CFAP74: variants seen among roughly 807,000 people sequenced by gnomAD.
The protein encoded by CFAP74 is cilia- and flagella-associated protein 74.
A neutral mutation model predicts 188.9 loss-of-function variants in CFAP74; 124 were observed. That is an observed-to-expected ratio of 0.66 (90% CI 0.57 to 0.76). The LOEUF is 0.76. CFAP74 is among the 30% of genes least tolerant of loss of function. The pLI, the probability that CFAP74 is intolerant of heterozygous loss-of-function variation, is 0.00. For missense variants in CFAP74, 2,198 were observed against 2,165.2 expected (o/e 1.02, Z -0.30); for synonymous variants, 956 against 916.7 (o/e 1.04, Z -0.77).
chr1:1,993,844 T>C (rs542683960), intron 1 of CFAP74, among the ~76,000 whole-genome samples: 36 of 150,240 alleles, frequency 2.4e-4, no homozygotes, highest in South Asian at 8.5e-4. Context: ...TAGCCGGGCG[T>C]GGTGGCGGGC....
intron 6 of CFAP74, among the ~76,000 whole-genome samples, chr1:1,977,394 C>T (rs1048317841): frequency 6.6e-6 from 1 of 152,130 alleles, no homozygotes; most frequent in Admixed American, 6.6e-5. Context: ...AGGGAAGCAG[C>T]CTTCCCCTCC....
chr1:1,936,554 CAAAAAAAGA>C (rs963468059), intron 25 of CFAP74, among the ~76,000 whole-genome samples: 9 of 150,034 alleles, frequency 6.0e-5, no homozygotes, highest in Non-Finnish European at 1.2e-4. Flanking sequence ...AGAAAAATAA[CAAAAAAAGA>C]AAAAAAAGAA....
intron 6 of CFAP74, among the ~76,000 whole-genome samples, chr1:1,976,129 G>A (rs1558049441): frequency 6.6e-6 from 1 of 152,132 alleles, no homozygotes; most frequent in Admixed American, 6.5e-5. Flanking sequence ...GGCACTAATC[G>A]CCCCCACGAG....
In CFAP74 at chr1:1,968,873, C is replaced by T. The variant is rs1655674209; in HGVS notation, c.1047-40G>A. 1.3e-6 allele frequency: 2 copies of T among 1,595,378 alleles called. No homozygotes were observed. Among genetic ancestry groups the T allele is most frequent in the Non-Finnish European group, 1.7e-6 (2 of 1,166,812 alleles). ...TTCTCAGATGAGTGCAAGAGGTCCCCTGCCTCCACCTTGCCCCAGATGAGA... is the reference window on the plus strand; with the variant it reads ...TTCTCAGATGAGTGCAAGAGGTCCCTTGCCTCCACCTTGCCCCAGATGAGA... On this transcript the variant is annotated intron_variant, in intron 10 of 38. Transcript: ENST00000682832. The surrounding 1 kb of genome is among the most constrained non-coding windows in gnomAD (Gnocchi z 4.3).
At chr1:1,966,312 A>G (rs996627737) in intron 12 of CFAP74, 59 bp downstream of exon 12, 2 of 1,406,554 alleles carry the variant, frequency 1.4e-6, no homozygotes, top group Non-Finnish European at 1.9e-6. Context: ...GGAGGTGGCG[A>G]GCCGGCGACA....
rs28401378 is a variant in CFAP74 at position 1,973,692 on chromosome 1, T to G, written c.674+333A>C. Among the ~76,000 whole-genome samples the G allele has an allele frequency of 6.6e-6, 1 of 150,984 alleles. No homozygotes were observed. Among genetic ancestry groups the G allele is most frequent in the Admixed American group, 6.6e-5 (1 of 15,172 alleles). On this transcript the variant is annotated intron_variant, in intron 7 of 38. Transcript: ENST00000682832. This position sits in a 1 kb window ranked among gnomAD's most constrained non-coding sequence, Gnocchi z 6.2. ...AGAGGTGGGGATGGAGCCCAGAGAA[T>G]GGCCTGGCTGGGAAGAGGAAGGGGC... is the stretch of plus-strand genomic sequence containing the variant.
intron 6 of CFAP74, among the ~76,000 whole-genome samples, chr1:1,977,408 G>T (rs569133704): frequency 6.6e-6 from 1 of 152,088 alleles, no homozygotes; most frequent in Non-Finnish European, 1.5e-5. Context: ...CCCCTCCCTC[G>T]AAGGCAGGCT....
chr1:1,932,368 G>T (rs868192235), intron 25 of CFAP74, among the ~76,000 whole-genome samples: 1 of 149,842 alleles, frequency 6.7e-6, no homozygotes, highest in Non-Finnish European at 1.5e-5. Flanking sequence ...CCGCACTCCA[G>T]CCTGGGTGAT....
Position 1,943,535 on chromosome 1 carries a change from G to A in CFAP74, c.2486+796C>T, listed in dbSNP as rs181748515. 4.0e-3 allele frequency among the ~76,000 whole-genome samples: 613 copies of A among 152,354 alleles called. 6 individuals are homozygous for A. The highest frequency in any genetic ancestry group is 0.014 in the African/African-American group (585 of 41,586). On this transcript the variant is annotated intron_variant, in intron 21 of 38. Coordinates refer to ENST00000682832, the MANE Select transcript of CFAP74 (RefSeq NM_001304360.2). ...ACAGGGGCTCCGTCATGGAAACCCC[G>A]CAGGCCCAGCCTCGCCGTCCCTCTG...
At chr1:1,922,768 C>T in intron 37 of CFAP74, 45 bp from the exon 38 acceptor site, 1 of 1,585,148 alleles carries the variant, frequency 6.3e-7, no homozygotes, top group South Asian at 1.1e-5. Flanking sequence ...AGGCACCGCT[C>T]CCAGAAGCAG....
At chr1:1,980,058 A>C (rs1345215106) in intron 6 of CFAP74, among the ~76,000 whole-genome samples, 1 of 148,704 alleles carries the variant, frequency 6.7e-6, no homozygotes, top group Non-Finnish European at 1.5e-5. Context: ...CGCAGTGGGC[A>C]CCCTCTTACC....
intron 25 of CFAP74, among the ~76,000 whole-genome samples, chr1:1,934,871 G>T (rs201688453): frequency 2.0e-5 from 1 of 51,138 alleles, no homozygotes; most frequent in Non-Finnish European, 4.2e-5. Context: ...ACACACGTGT[G>T]TGCGTGGGTG....
At chr1:1,974,287 G>T in intron 6 of CFAP74, 89 bp from the exon 7 acceptor site, 1 of 1,362,494 alleles carries the variant, frequency 7.3e-7, no homozygotes, top group Non-Finnish European at 1.0e-6. Flanking sequence ...AAATCCTCCA[G>T]GCAGATGTTG....
chr1:1,945,915 TGA>T (rs1653727487), intron 20 of CFAP74, among the ~76,000 whole-genome samples: 1 of 138,474 alleles, frequency 7.2e-6, no homozygotes, highest in Non-Finnish European at 1.5e-5. Flanking sequence ...TGCATGTGTG[TGA>T]GGACTCTGCA....
intron 6 of CFAP74, among the ~76,000 whole-genome samples, chr1:1,974,494 G>A (rs1656312037): frequency 6.6e-6 from 1 of 152,230 alleles, no homozygotes; most frequent in Non-Finnish European, 1.5e-5. Context: ...GGTGGGCCTG[G>A]GGCAGGCCCT....
chr1:1,942,921 G>A lies in CFAP74; in HGVS notation c.2487-765C>T, dbSNP rs1165973207. Among the ~76,000 whole-genome samples, 1 of 152,150 alleles carries A rather than the reference G, an allele frequency of 6.6e-6. No individual in the cohort carries two copies. Among genetic ancestry groups the A allele is most frequent in the Non-Finnish European group, 1.5e-5 (1 of 68,018 alleles). Reference sequence around the variant, plus strand: ...CCATGCGACAGTCACCCATGCTGTGGCAGCCTCATCTCCGTCCATCACAGA... The same window carrying A: ...CCATGCGACAGTCACCCATGCTGTGACAGCCTCATCTCCGTCCATCACAGA... On this transcript the variant is annotated intron_variant, in intron 21 of 38. Coordinates refer to ENST00000682832, the MANE Select transcript of CFAP74 (RefSeq NM_001304360.2). This position sits in a 1 kb window ranked among gnomAD's most constrained non-coding sequence, Gnocchi z 4.3.
chr1:1,957,710 C>A (rs1654751408), intron 16 of CFAP74, among the ~76,000 whole-genome samples: 1 of 152,136 alleles, frequency 6.6e-6, no homozygotes, highest in Non-Finnish European at 1.5e-5. Flanking sequence ...AGGCCAGTAC[C>A]AGACTCCTGC....
rs988974128 is a variant in CFAP74, at chr1:1,938,886, A to G, written c.2980T>C (p.Phe994Leu). The G allele has an allele frequency of 2.6e-6, 4 of 1,536,182 alleles. No homozygotes were observed. The highest frequency in any genetic ancestry group is 2.7e-5 in the African/African-American group (2 of 73,184). Residue 994 changes from phenylalanine to leucine, a missense_variant, in exon 25 of 39, where the codon TTC (phenylalanine) becomes CTC (leucine). Coordinates refer to ENST00000682832, the MANE Select transcript of CFAP74 (RefSeq NM_001304360.2). ...FQPTKAEEHRFQLTCKSEINR... is the reference protein window; with the variant it reads ...FQPTKAEEHRLQLTCKSEINR... Reference sequence around the variant, plus strand: ...ATCTCAGACTTGCAGGTCAGTTGGAATCTGTGTTCCTCGGCCTTGGTGGGC... The same window carrying G: ...ATCTCAGACTTGCAGGTCAGTTGGAGTCTGTGTTCCTCGGCCTTGGTGGGC...
intron 6 of CFAP74, 30 bp downstream of exon 6, chr1:1,985,356 G>T: frequency 6.3e-7 from 1 of 1,585,438 alleles, no homozygotes; most frequent in Non-Finnish European, 8.7e-7. Flanking sequence ...GGGCCTGCCT[G>T]CTGCCAGTCC....
Sources: allele counts gnomAD v4.1 joint callset (sites outside exome capture counted in the v4.1 genomes callset), GRCh38; gene constraint gnomAD v4.1.1; non-coding constraint Gnocchi (gnomAD v3.1); transcripts MANE v1.5; gene names NCBI Gene and HGNC (gene_info 2026-07-23, HGNC 2026-07-21).